Variants in NTN4 observed in about 807,000 individuals in gnomAD.
NTN4 encodes the protein netrin 4, also known as netrin-4.
A neutral mutation model predicts 73.6 loss-of-function variants in NTN4; 32 were observed. The ratio of observed to expected loss-of-function variants is 0.44; its 90% CI spans 0.33 to 0.58. The LOEUF (loss-of-function observed/expected upper bound fraction) is 0.58, where lower values mean the gene tolerates loss of function less well. Ranked by LOEUF, NTN4 falls within the 20% of genes least tolerant of loss-of-function variation. The probability of loss-of-function intolerance (pLI) is 0.04; values close to 1 mark genes in which losing one functional copy is unlikely to be tolerated. For synonymous variants in NTN4, 258 were observed against 287.5 expected (o/e 0.90, Z 1.04); for missense variants, 654 against 798.3 (o/e 0.82, Z 2.18).
intron 2 of NTN4, among the ~76,000 whole-genome samples, chr12:95,771,321 A>T (rs898364203): frequency 1.3e-5 from 2 of 152,182 alleles, no homozygotes; most frequent in Non-Finnish European, 2.9e-5. Context: ...CACTGAGTGT[A>T]TGCAAACTGC....
At chr12:95,765,564 T>A (rs1267211832) in intron 2 of NTN4, among the ~76,000 whole-genome samples, 1 of 152,206 alleles carries the variant, frequency 6.6e-6, no homozygotes, top group African/African-American at 2.4e-5. Flanking sequence ...GATGTATTTG[T>A]ACGTTAGTTG....
chr12:95,682,041 TA>T lies in NTN4; in HGVS notation c.1510+665del, dbSNP rs199754314. Among the ~76,000 whole-genome samples the T allele has an allele frequency of 8.1e-3, 1,191 of 146,426 alleles. 10 individuals carry two copies. The highest frequency in any genetic ancestry group is 0.012 in the Non-Finnish European group (796 of 66,822). On this transcript the variant is annotated intron_variant, in intron 7 of 9. Transcript: ENST00000343702. ...CAATGGATCTGTAAATTTCCAAACC[TA>T]ATATATTCAGTAGGCTTTTTTTTTT...
chr12:95,700,160 G>A lies in NTN4; in HGVS notation c.1180+10281C>T, dbSNP rs1424810177. Among the ~76,000 whole-genome samples, 15 of 128,096 alleles carry A rather than the reference G, an allele frequency of 1.2e-4. No homozygotes were observed. In the East Asian group the frequency reaches 3.5e-3, roughly 30 times the overall value. The allele number at this position is 128,096 out of a possible 152,430, so 84.0% of individuals were successfully genotyped here. A position where few individuals can be genotyped will look rare whatever the true frequency, so the allele number is the denominator to read the frequency against. On this transcript the variant is annotated intron_variant, in intron 5 of 9. Transcript: ENST00000343702. ...CACCCTGGTTGTGTAGTGCAGTGGTGTGATCATGGCTCACTGCAGCCTCAA... is the reference window on the plus strand; with the variant it reads ...CACCCTGGTTGTGTAGTGCAGTGGTATGATCATGGCTCACTGCAGCCTCAA...
In NTN4 at chr12:95,741,438, TATATATATATATATATA is replaced by T. The variant is rs1565903684; in HGVS notation, c.586-3311_586-3295del. On this transcript the variant is annotated intron_variant, in intron 2 of 9. Coordinates refer to ENST00000343702, the MANE Select transcript of NTN4 (RefSeq NM_021229.4). Reference sequence around the variant, plus strand: ...AAATTATGTATAAATTATATATATATATATATATATATATATATATATATATATATATATATCTCCTC... The same window carrying T: ...AAATTATGTATAAATTATATATATATTATATATATATATATATATCTCCTC... Among the ~76,000 whole-genome samples the T allele has an allele frequency of 3.8e-3, 380 of 101,048 alleles. 15 individuals carry two copies. Among genetic ancestry groups the T allele is most frequent in the Middle Eastern group, 0.015 (3 of 196 alleles). 66.3% of individuals were successfully genotyped at this position (101,048 alleles called of 152,430 possible). A position where few individuals can be genotyped will look rare whatever the true frequency, so the allele number is the denominator to read the frequency against.
chr12:95,786,466 T>C (rs1477347049), intron 2 of NTN4, among the ~76,000 whole-genome samples: 3 of 152,236 alleles, frequency 2.0e-5, no homozygotes, highest in Admixed American at 2.0e-4. Context: ...ACTACTTTCA[T>C]TTGTTTGCTA....
At chr12:95,748,690 C>T (rs765794117) in intron 2 of NTN4, among the ~76,000 whole-genome samples, 1 of 152,096 alleles carries the variant, frequency 6.6e-6, no homozygotes, top group East Asian at 1.9e-4. Flanking sequence ...AAGCTGGTCT[C>T]GAACTCCTGA....
chr12:95,720,511 A>G (rs1262322663), intron 3 of NTN4, among the ~76,000 whole-genome samples: 1 of 152,196 alleles, frequency 6.6e-6, no homozygotes, highest in East Asian at 1.9e-4. Context: ...ACTGACATAC[A>G]ATGGGTTTCC....
intron 3 of NTN4, among the ~76,000 whole-genome samples, 192 bp from the exon 4 acceptor site, chr12:95,713,530 A>G (rs2078582075): frequency 6.6e-6 from 1 of 152,250 alleles, no homozygotes. Flanking sequence ...AATTCAAAAG[A>G]TTAAGTAATA....
intron 5 of NTN4, among the ~76,000 whole-genome samples, chr12:95,699,488 A>C (rs143361312): frequency 2.0e-5 from 3 of 152,106 alleles, no homozygotes; most frequent in Admixed American, 6.5e-5. Context: ...AAATGCAGAG[A>C]CTCTTCCTGA....
chr12:95,720,364 T>C (rs2078638629), intron 3 of NTN4, among the ~76,000 whole-genome samples: 1 of 152,150 alleles, frequency 6.6e-6, no homozygotes, highest in Admixed American at 6.5e-5. Context: ...AAACCATGAA[T>C]GGAGCCAATG....
chr12:95,732,767 AAAG>A (rs2078747871), intron 3 of NTN4, among the ~76,000 whole-genome samples: 1 of 152,206 alleles, frequency 6.6e-6, no homozygotes. Flanking sequence ...TAAATTTTAA[AAAG>A]AAGATGAAAA....
chr12:95,748,546 C>A (rs375402670), intron 2 of NTN4, among the ~76,000 whole-genome samples: 3 of 146,050 alleles, frequency 2.1e-5, no homozygotes, highest in African/African-American at 5.1e-5. Flanking sequence ...GGCATGATCT[C>A]GGCTCACTGC....
chr12:95,757,156 AT>A (rs2078952555), intron 2 of NTN4, among the ~76,000 whole-genome samples: 1 of 152,192 alleles, frequency 6.6e-6, no homozygotes, highest in Non-Finnish European at 1.5e-5. Flanking sequence ...CTTGGCATAT[AT>A]GAGTTAACAC....
At chr12:95,673,006 G>A (rs2078245546) in intron 7 of NTN4, 4 of 1,312,836 alleles carry the variant, frequency 3.0e-6, no homozygotes, top group Middle Eastern at 2.6e-4. Context: ...GTTCCTGGGG[G>A]ATGAAGGGAC....
intron 5 of NTN4, among the ~76,000 whole-genome samples, chr12:95,686,230 G>T (rs2078360091): frequency 2.6e-5 from 4 of 152,154 alleles, no homozygotes; most frequent in Non-Finnish European, 5.9e-5. Flanking sequence ...GTTTATCTGA[G>T]AAATGGTGCC....
chr12:95,755,510 A>C (rs4341610), intron 2 of NTN4, among the ~76,000 whole-genome samples: 122,063 of 152,144 alleles, frequency 0.8, 49,352 homozygotes, highest in South Asian at 0.9. Context: ...ACCTACTTGT[A>C]TTAGAGAAGT....
chr12:95,695,197 C>G (rs2078432060), intron 5 of NTN4, among the ~76,000 whole-genome samples: 1 of 151,910 alleles, frequency 6.6e-6, no homozygotes, highest in South Asian at 2.1e-4. Flanking sequence ...CTTTCATTTA[C>G]TGAAGTTCAG....
intron 3 of NTN4, among the ~76,000 whole-genome samples, chr12:95,721,930 G>A (rs7295607): frequency 0.1 from 15,379 of 152,064 alleles, 2,646 homozygotes; most frequent in African/African-American, 0.35. Flanking sequence ...GCACACGTGC[G>A]CGCACACACA....
chr12:95,739,956 T>C (rs563098055), intron 2 of NTN4: 1 of 152,286 alleles, frequency 6.6e-6, no homozygotes, highest in African/African-American at 2.4e-5. Context: ...TGTAGGAACT[T>C]TGAAGCTCTT....
Sources: gnomAD v4.1 joint callset for allele counts (sites outside exome capture counted in the v4.1 genomes callset) on GRCh38, gnomAD v4.1.1 for gene constraint, MANE v1.5 for transcripts, NCBI Gene and HGNC (gene_info 2026-07-23, HGNC 2026-07-21) for gene names.